Variants in ECM2 observed in about 807,000 individuals in gnomAD.
ECM2 encodes the protein extracellular matrix protein 2.
In ECM2, 57 loss-of-function variants were observed where a neutral mutation model predicts 67.5. The ratio of observed to expected loss-of-function variants is 0.84; its 90% CI spans 0.68 to 1.05. ECM2 has a LOEUF of 1.05. Among genes scored for constraint, ECM2 ranks in the 50% least tolerant of loss-of-function variants. The pLI, the probability that ECM2 is intolerant of heterozygous loss-of-function variation, is 0.00. For synonymous variants in ECM2, 258 were observed against 294.5 expected (o/e 0.88, Z 1.27); for missense variants, 741 against 822.8 (o/e 0.90, Z 1.22).
At position 92,515,166 on chromosome 9, in the gene ECM2, A is replaced by T. The variant is rs371633512; in HGVS notation, c.519T>A (p.Asp173Glu). Reference protein sequence around the residue: ...YSLLSGIALNDRNEFSGDSSE... With the variant: ...YSLLSGIALNERNEFSGDSSE... ...AAGAATCACCAGAAAATTCATTTCT[A>T]TCATTTAATGCTATACCACTGAGTA... is the stretch of plus-strand genomic sequence containing the variant. The change falls in exon 4 of 10, where the codon GAT becomes GAA. Residue 173 changes from aspartate to glutamate, a missense_variant. Physicochemically the swap from Asp to Glu is conservative, Grantham distance 45. Coordinates refer to ENST00000344604, the MANE Select transcript of ECM2 (RefSeq NM_001393.4). The T allele has an allele frequency of 3.7e-6, 6 of 1,608,572 alleles. No individual in the cohort carries two copies. The highest frequency in any genetic ancestry group is 1.3e-5 in the African/African-American group (1 of 74,528).
At chr9:92,518,189 T>G (rs1247516787) in intron 2 of ECM2, among the ~76,000 whole-genome samples, 1 of 152,084 alleles carries the variant, frequency 6.6e-6, no homozygotes, top group African/African-American at 2.4e-5. Flanking sequence ...TCCCCAAATC[T>G]CAGTTATTTT....
chr9:92,544,836 CTCCCCAGTAGCTGGGAG>C, the ECM2 span, among the ~76,000 whole-genome samples: 1 of 151,900 alleles, frequency 6.6e-6, no homozygotes, highest in African/African-American at 2.4e-5. Context: ...CTGCCTCAGC[CTCCCCAGTAGCTGGGAG>C]TACAGGCGCA....
At chr9:92,502,326 G>A (rs181229290) in intron 8 of ECM2, among the ~76,000 whole-genome samples, 187 bp downstream of exon 8, 218 of 152,292 alleles carry the variant, frequency 1.4e-3, no homozygotes, top group African/African-American at 4.8e-3. Context: ...CAGCGCACAG[G>A]TTGGAAACTG....
chr9:92,511,885 G>A (rs1847365547), intron 5 of ECM2, 126 bp downstream of exon 5: 5 of 630,962 alleles, frequency 7.9e-6, no homozygotes, highest in Admixed American at 3.2e-5. Context: ...ACATCAGAGA[G>A]GAAACTTTCT....
chr9:92,517,392 C>G (rs1847795016), intron 3 of ECM2: 1 of 553,590 alleles, frequency 1.8e-6, no homozygotes. Context: ...AATTCAGGAT[C>G]TGTTGTAGAA....
chr9:92,501,371 G>T (rs1235217609), intron 8 of ECM2, among the ~76,000 whole-genome samples: 1 of 152,174 alleles, frequency 6.6e-6, no homozygotes, highest in Non-Finnish European at 1.5e-5. Flanking sequence ...TACGGTTGAT[G>T]CGTTGAATCC....
chr9:92,498,981 T>G lies in ECM2; in HGVS notation c.1931+1746A>C, dbSNP rs570359361. Among the ~76,000 whole-genome samples the G allele has an allele frequency of 4.6e-4, 70 of 152,286 alleles. 1 individual carries two copies. The South Asian group carries it at 0.014, about 31-fold the overall frequency. ...GGCCTCAAAACAATAGCAACACAATTGAAAGGACCACGTCTCGTTCCCACT... is the reference window on the plus strand; with the variant it reads ...GGCCTCAAAACAATAGCAACACAATGGAAAGGACCACGTCTCGTTCCCACT... On this transcript the variant is annotated intron_variant, in intron 9 of 9. Transcript: ENST00000344604.
rs1244407742 is a variant in ECM2 at position 92,522,738 on chromosome 9, G to A, written c.129C>T (p.Thr43=). 1.2e-6 allele frequency: 2 copies of A among 1,613,984 alleles called. No homozygotes were observed. Among genetic ancestry groups the A allele is most frequent in the Admixed American group, 1.7e-5 (1 of 60,008 alleles). ...GTCTGTTTGATCTGTGCTTGTGTGA[G>A]GTTGAACTTTTCCTCAACCTTCTGT... The part of the protein sequence containing the change: ...IYHRRLRKSS[T]SHKHRSNRQL... Residue 43 remains threonine (T), a synonymous_variant, in exon 2 of 10, where the codon ACC becomes ACT. Coordinates refer to ENST00000344604, the MANE Select transcript of ECM2 (RefSeq NM_001393.4).
the ECM2 span, among the ~76,000 whole-genome samples, chr9:92,555,499 G>A: frequency 6.6e-6 from 1 of 152,098 alleles, no homozygotes; most frequent in Middle Eastern, 3.4e-3. Flanking sequence ...AAAGTGCTGG[G>A]ATTACAGGTA....
the ECM2 span, among the ~76,000 whole-genome samples, chr9:92,546,895 G>A: frequency 2.6e-5 from 4 of 152,262 alleles, no homozygotes; most frequent in South Asian, 8.3e-4. Flanking sequence ...TCCCACAAGA[G>A]ATACCACAGG....
chr9:92,532,015 G>GTTTTTTTTTTTTTTTGTTT (rs71362397), intron 1 of ECM2, among the ~76,000 whole-genome samples: 1 of 95,736 alleles, frequency 1.0e-5, no homozygotes, highest in African/African-American at 5.9e-5. Flanking sequence ...TTTATTTAAT[G>GTTTTTTTTTTTTTTTGTTT]TTTTTTTTTT....
intron 6 of ECM2, 66 bp downstream of exon 6, chr9:92,509,833 A>C: frequency 6.8e-7 from 1 of 1,476,260 alleles, no homozygotes; most frequent in Non-Finnish European, 9.0e-7. Flanking sequence ...AGTAAATAAA[A>C]TTTCTACAGG....
chr9:92,506,371 C>T (rs1283087893), intron 6 of ECM2, among the ~76,000 whole-genome samples: 1 of 151,892 alleles, frequency 6.6e-6, no homozygotes, highest in Non-Finnish European at 1.5e-5. Context: ...CAAGAAAGGC[C>T]TTTATACAAA....
At chr9:92,535,197 TCTAAA>T (rs1202713230) in intron 1 of ECM2, among the ~76,000 whole-genome samples, 4 of 152,230 alleles carry the variant, frequency 2.6e-5, no homozygotes, top group African/African-American at 9.6e-5. Context: ...AAAATCAGTA[TCTAAA>T]CAGTCTCACT....
chr9:92,511,316 G>A (rs1052854197), intron 5 of ECM2, among the ~76,000 whole-genome samples: 4 of 151,968 alleles, frequency 2.6e-5, no homozygotes, highest in South Asian at 2.1e-4. Flanking sequence ...TAGTAGAGAC[G>A]GGGTTTCACC....
chr9:92,551,944 TATATATATGA>T, the ECM2 span, among the ~76,000 whole-genome samples: 2 of 129,990 alleles, frequency 1.5e-5, no homozygotes, highest in Non-Finnish European at 1.6e-5. Context: ...TATATATATA[TATATATATGA>T]TATATATATG....
the ECM2 span, among the ~76,000 whole-genome samples, chr9:92,546,239 C>G: frequency 1.3e-5 from 2 of 152,194 alleles, no homozygotes; most frequent in African/African-American, 2.4e-5. Flanking sequence ...CCAATCAGCT[C>G]TCTGTAAAAT....
chr9:92,540,165 G>A (rs1588256795), upstream of ECM2, among the ~76,000 whole-genome samples: 2 of 152,344 alleles, frequency 1.3e-5, no homozygotes, highest in Admixed American at 1.3e-4. Context: ...TCAGCCGGGC[G>A]CGGTGCCTCA....
At chr9:92,516,702 T>C (rs1847745362) in intron 3 of ECM2, 1 of 152,204 alleles carries the variant, frequency 6.6e-6, no homozygotes, top group Admixed American at 6.5e-5. Context: ...TTTCTGAGAA[T>C]TTGTGACTCT....
Sources: gnomAD v4.1 joint callset for allele counts (sites outside exome capture counted in the v4.1 genomes callset) on GRCh38, gnomAD v4.1.1 for gene constraint, MANE v1.5 for transcripts, NCBI Gene and HGNC (gene_info 2026-07-23, HGNC 2026-07-21) for gene names.